AMBRA1: variants seen among roughly 807,000 people sequenced by gnomAD.
The protein encoded by AMBRA1 is autophagy and beclin 1 regulator 1.
Under a neutral mutation model 125.4 loss-of-function variants are expected in AMBRA1, and 47 were observed. That is an observed-to-expected ratio of 0.37 (90% confidence interval 0.30 to 0.48). The LOEUF is 0.48. AMBRA1 is among the 20% of genes least tolerant of loss of function. The pLI is 0.99. For synonymous variants in AMBRA1, 626 were observed against 655.5 expected (o/e 0.95, Z 0.69); for missense variants, 1,331 against 1,693.4 (o/e 0.79, Z 3.76).
chr11:46,442,669 A>G (rs1948077228), intron 12 of AMBRA1, among the ~76,000 whole-genome samples: 1 of 152,254 alleles, frequency 6.6e-6, no homozygotes, highest in Non-Finnish European at 1.5e-5. Flanking sequence ...AAACTGAAAC[A>G]GTCATGTTTG....
At chr11:46,440,471 G>C (rs889198732) in intron 12 of AMBRA1, among the ~76,000 whole-genome samples, 5 of 152,156 alleles carry the variant, frequency 3.3e-5, no homozygotes, top group Non-Finnish European at 7.3e-5. Context: ...GGAGTGGTAG[G>C]ATTTGGGGGC....
chr11:46,449,969 G>A (rs1222614875), intron 11 of AMBRA1, among the ~76,000 whole-genome samples: 2 of 150,284 alleles, frequency 1.3e-5, no homozygotes, highest in African/African-American at 2.5e-5. Flanking sequence ...TGAAGCAGGA[G>A]AATCGCTTGA....
chr11:46,440,426 T>C (rs530458312), intron 12 of AMBRA1, among the ~76,000 whole-genome samples: 76 of 152,284 alleles, frequency 5.0e-4, no homozygotes, highest in African/African-American at 1.7e-3. Flanking sequence ...TGAAAAGATA[T>C]ATAAGGAACT....
At chr11:46,485,759 C>T (rs1950247994) in intron 11 of AMBRA1, among the ~76,000 whole-genome samples, 1 of 152,112 alleles carries the variant, frequency 6.6e-6, no homozygotes, top group Non-Finnish European at 1.5e-5. Flanking sequence ...AAAACTTACA[C>T]ATATAAAAGG....
chr11:46,422,280 C>T (rs1027401769), intron 14 of AMBRA1, among the ~76,000 whole-genome samples: 1 of 152,172 alleles, frequency 6.6e-6, no homozygotes, highest in African/African-American at 2.4e-5. Context: ...GTAGATTGTT[C>T]TCATTTCTGT....
chr11:46,540,192 C>A (rs1004113365), intron 7 of AMBRA1, among the ~76,000 whole-genome samples: 2 of 152,176 alleles, frequency 1.3e-5, no homozygotes, highest in African/African-American at 4.8e-5. Flanking sequence ...TCAGGAATTT[C>A]TCAGAATAGC....
intron 11 of AMBRA1, among the ~76,000 whole-genome samples, chr11:46,452,068 T>A (rs1488331973): frequency 6.6e-6 from 1 of 151,830 alleles, no homozygotes; most frequent in African/African-American, 2.4e-5. Flanking sequence ...CTAAAAGCCA[T>A]TGAAATGTAT....
intron 9 of AMBRA1, among the ~76,000 whole-genome samples, chr11:46,496,417 A>G (rs1448061167): frequency 1.3e-5 from 2 of 152,130 alleles, no homozygotes; most frequent in Non-Finnish European, 2.9e-5. Context: ...AAATAAAGCT[A>G]GAAAAGAAGC....
At chr11:46,559,889 G>C (rs1201488463) in intron 1 of AMBRA1, among the ~76,000 whole-genome samples, 9 of 152,074 alleles carry the variant, frequency 5.9e-5, no homozygotes, top group Non-Finnish European at 1.3e-4. Context: ...AAAATCCTTG[G>C]AGAATCTTAG....
At chr11:46,479,335 T>C (rs565886144) in intron 11 of AMBRA1, among the ~76,000 whole-genome samples, 2 of 152,346 alleles carry the variant, frequency 1.3e-5, no homozygotes, top group East Asian at 3.9e-4. Context: ...ATCCATGGCC[T>C]TAGAGAGTCT....
At position 46,410,224 on chromosome 11, in the gene AMBRA1, A is replaced by G. The variant is rs1334455719; in HGVS notation, c.3209+52T>C. On this transcript the variant is annotated intron_variant, in intron 16 of 17. Coordinates refer to ENST00000683756, the MANE Select transcript of AMBRA1 (RefSeq NM_001387011.1). ...TGCTTAAGAGCCCATCAAAAGCAGG[A>G]GGAAGGGATGGGCCTCCAGCCAGCT... The G allele has an allele frequency of 8.3e-6, 13 of 1,570,894 alleles. No individual in the cohort carries two copies. In the African/African-American group the frequency reaches 9.4e-5, roughly 11 times the overall value.
chr11:46,553,617 T>C (rs2043080286), intron 1 of AMBRA1, among the ~76,000 whole-genome samples: 1 of 152,026 alleles, frequency 6.6e-6, no homozygotes, highest in Non-Finnish European at 1.5e-5. Flanking sequence ...TGGTAGCTCA[T>C]GCCTGTAGTC....
At chr11:46,425,423 G>C (rs1013813163) in intron 14 of AMBRA1, among the ~76,000 whole-genome samples, 20 of 150,396 alleles carry the variant, frequency 1.3e-4, no homozygotes, top group African/African-American at 3.7e-4. Context: ...TATATGAATT[G>C]ATTTTCCAAT....
At chr11:46,522,584 G>A (rs1201588300) in intron 7 of AMBRA1, among the ~76,000 whole-genome samples, 5 of 152,276 alleles carry the variant, frequency 3.3e-5, no homozygotes, top group Middle Eastern at 3.4e-3. Flanking sequence ...CATGCAACAG[G>A]TGGGATATAT....
intron 9 of AMBRA1, among the ~76,000 whole-genome samples, chr11:46,504,902 G>T (rs959412835): frequency 5.3e-5 from 8 of 152,228 alleles, no homozygotes; most frequent in Admixed American, 5.2e-4. Context: ...TCAAATGGAA[G>T]AGAACCACAA....
rs1361843504 is a variant in AMBRA1 at position 46,428,867 on chromosome 11, C to T, written c.2976+4607G>A. 25 of 1,611,566 alleles carry T rather than the reference C, an allele frequency of 1.6e-5. No individual in the cohort carries two copies. In the East Asian group the frequency reaches 2.0e-4, roughly 13 times the overall value. ...CCTGCCAGTCTCTGGACGGCTACGG[C>T]GTAGGATGGCAGGCACAATCTCTGG... is the stretch of plus-strand genomic sequence containing the variant. On this transcript the variant is annotated intron_variant, in intron 14 of 17. Transcript: ENST00000683756.
chr11:46,556,345 C>T (rs1237419765), intron 1 of AMBRA1, among the ~76,000 whole-genome samples: 1 of 152,146 alleles, frequency 6.6e-6, no homozygotes, highest in Non-Finnish European at 1.5e-5. Context: ...ACTGAATTTA[C>T]AGGGGTACAG....
intron 7 of AMBRA1, among the ~76,000 whole-genome samples, chr11:46,520,603 T>C (rs1202922936): frequency 6.6e-6 from 1 of 151,154 alleles, no homozygotes. Flanking sequence ...CTTTTCTTTT[T>C]TTTTTTTTTT....
chr11:46,585,483 T>C (rs974013839), intron 1 of AMBRA1, among the ~76,000 whole-genome samples: 1 of 147,970 alleles, frequency 6.8e-6, no homozygotes, highest in Non-Finnish European at 1.5e-5. Context: ...CTGGCTAACA[T>C]GGTGAAAGCC....
Sources: gnomAD v4.1 joint callset for allele counts (sites outside exome capture counted in the v4.1 genomes callset) on GRCh38, gnomAD v4.1.1 for gene constraint, MANE v1.5 for transcripts, NCBI Gene and HGNC (gene_info 2026-07-23, HGNC 2026-07-21) for gene names.